HIPK3: variants seen among roughly 807,000 people sequenced by gnomAD.
The protein encoded by HIPK3 is homeodomain interacting protein kinase 3.
HIPK3 carries 47 observed loss-of-function variants against 124.2 expected under a neutral mutation model. The observed-to-expected ratio is 0.38, with a 90% CI of 0.30 to 0.48. The LOEUF is 0.48. HIPK3 is among the 20% of genes least tolerant of loss of function. The pLI, the probability that HIPK3 is intolerant of heterozygous loss-of-function variation, is 0.98. For missense variants in HIPK3, 1,286 were observed against 1,454.3 expected (o/e 0.88, Z 1.88); for synonymous variants, 482 against 515.2 (o/e 0.94, Z 0.87).
chr11:33,353,649 C>A lies in HIPK3; in HGVS notation c.*81C>A. 1.0e-6 allele frequency: 1 copy of A among 969,426 alleles called. No homozygotes were observed. The highest frequency in any genetic ancestry group is 1.6e-5 in the South Asian group (1 of 63,264). 60.1% of individuals were successfully genotyped at this position (969,426 alleles called of 1,614,324 possible). ...ATGGTATTTAATATTAGCCATGGCA[C>A]AAGAAAATTATTTTTGAATCATGTA... On this transcript the variant is annotated 3_prime_UTR_variant, in exon 17 of 17. Transcript: ENST00000303296.
At chr11:33,325,896 A>T (rs12289472) in intron 2 of HIPK3, among the ~76,000 whole-genome samples, 14,935 of 152,228 alleles carry the variant, frequency 0.098, 1,670 homozygotes, top group African/African-American at 0.28. Flanking sequence ...GTATACATCC[A>T]TACACACACT....
Position 33,286,790 on chromosome 11 carries a change from G to A in HIPK3, c.376G>A (p.Gly126Arg). ...LHFLEGPQRC[G>R]LKRKSEELDN... ...TTTCCTAGAAGGCCCCCAGCGATGT[G>A]GATTGAAGCGCAAGAGTGAGGAGTT... is the stretch of plus-strand genomic sequence containing the variant. The change falls in exon 2 of 17, where the codon GGA becomes AGA. Residue 126 changes from glycine (G) to arginine (R), a missense_variant. Physicochemically the swap from Gly to Arg is moderately radical, Grantham distance 125. This residue lies in a region of HIPK3 where 225 missense variants were observed against 240.3 expected (regional missense o/e 0.94). Coordinates refer to ENST00000303296, the MANE Select transcript of HIPK3 (RefSeq NM_005734.5). The A allele has an allele frequency of 6.2e-7, 1 of 1,614,088 alleles. No homozygotes were observed. Among genetic ancestry groups the A allele is most frequent in the South Asian group, 1.1e-5 (1 of 91,078 alleles).
At chr11:33,313,530 G>C (rs139224173) in intron 2 of HIPK3, among the ~76,000 whole-genome samples, 33 of 152,252 alleles carry the variant, frequency 2.2e-4, no homozygotes, top group Non-Finnish European at 3.8e-4. Flanking sequence ...ATAAAAGAAA[G>C]AGAGTTAAGG....
At chr11:33,343,390 A>C (rs548353955) in intron 8 of HIPK3, among the ~76,000 whole-genome samples, 7 of 151,288 alleles carry the variant, frequency 4.6e-5, no homozygotes, top group Non-Finnish European at 7.4e-5. Context: ...GGTGATTCTC[A>C]TGCCTCAGCC....
At position 33,347,699 on chromosome 11, in the gene HIPK3, C is replaced by T; in HGVS notation, c.2090C>T (p.Thr697Ile). 1 of 1,614,162 alleles carries T rather than the reference C, an allele frequency of 6.2e-7. No homozygotes were observed. Among genetic ancestry groups the T allele is most frequent in the Non-Finnish European group, 8.5e-7 (1 of 1,180,016 alleles). Residue 697 changes from threonine (T) to isoleucine (I), a missense_variant, in exon 10 of 17, where the codon ACT becomes ATT. By Grantham distance (89) the Thr-to-Ile change is moderately conservative (BLOSUM62 -1). Coordinates refer to ENST00000303296, the MANE Select transcript of HIPK3 (RefSeq NM_005734.5). Reference protein sequence around the residue: ...WQQVTPLAPATTTLTSESVAG... With the variant: ...WQQVTPLAPAITTLTSESVAG... ...CAGGTGACACCCCTGGCTCCTGCTA[C>T]TACTACACTAACTTCTGAGAGTGTG...
intron 2 of HIPK3, among the ~76,000 whole-genome samples, chr11:33,327,648 T>C (rs532440856): frequency 3.3e-5 from 5 of 152,302 alleles, no homozygotes; most frequent in South Asian, 2.1e-4. Context: ...TATACAGATA[T>C]TTGGCAAGTT....
chr11:33,258,536 G>A, intron 1 of HIPK3: 3 of 985,554 alleles, frequency 3.0e-6, no homozygotes, highest in Non-Finnish European at 3.6e-6. Context: ...GCGGCGGGAG[G>A]AAGGCGTGGC....
intron 3 of HIPK3, among the ~76,000 whole-genome samples, chr11:33,331,619 T>C (rs1411463295): frequency 6.6e-6 from 1 of 152,122 alleles, no homozygotes; most frequent in Admixed American, 6.5e-5. Flanking sequence ...GCTTAAGCCA[T>C]CCTCCCGCCT....
At chr11:33,340,678 A>G (rs1853305643) in intron 6 of HIPK3, among the ~76,000 whole-genome samples, 2 of 124,074 alleles carry the variant, frequency 1.6e-5, no homozygotes, top group Middle Eastern at 9.3e-3. Context: ...AAATTTCGGA[A>G]AAAGTTTTTC....
At chr11:33,278,560 G>GT (rs1042274821) in intron 1 of HIPK3, among the ~76,000 whole-genome samples, 5 of 152,136 alleles carry the variant, frequency 3.3e-5, no homozygotes, top group African/African-American at 7.2e-5. Flanking sequence ...TGGTTTCTTT[G>GT]TTTTTTTAGC....
In HIPK3 at chr11:33,351,665, T is replaced by C; in HGVS notation, c.2865T>C (p.Ser955=). Residue 955 remains serine (S), a synonymous_variant, in exon 15 of 17, where the codon TCT becomes TCC. Coordinates refer to ENST00000303296, the MANE Select transcript of HIPK3 (RefSeq NM_005734.5). The part of the protein sequence containing the change: ...SCDTVDGSPT[S]DSSGHDSPFA... The stretch of plus-strand genomic sequence containing the variant: ...ATACGGTGGATGGCTCTCCGACATC[T>C]GACTCTTCCGGGCATGACAGTCCAT... 1 of 1,614,240 alleles carries C rather than the reference T, an allele frequency of 6.2e-7. No homozygotes were observed. The highest frequency in any genetic ancestry group is 8.5e-7 in the Non-Finnish European group (1 of 1,180,048).
chr11:33,260,382 A>G (rs773802359), intron 1 of HIPK3, among the ~76,000 whole-genome samples: 1 of 152,244 alleles, frequency 6.6e-6, no homozygotes, highest in Non-Finnish European at 1.5e-5. Flanking sequence ...CTGAAAGCAT[A>G]TGGAAAGGAG....
At chr11:33,301,981 G>A (rs1054362331) in intron 2 of HIPK3, among the ~76,000 whole-genome samples, 3 of 152,118 alleles carry the variant, frequency 2.0e-5, no homozygotes, top group African/African-American at 7.2e-5. Context: ...TGACTCAGGA[G>A]ACCTGTACAG....
At chr11:33,272,136 G>A (rs1038215988) in intron 1 of HIPK3, among the ~76,000 whole-genome samples, 1 of 152,174 alleles carries the variant, frequency 6.6e-6, no homozygotes, top group Admixed American at 6.5e-5. Flanking sequence ...AGTGGCTCAC[G>A]CCTGTAATCC....
intron 2 of HIPK3, among the ~76,000 whole-genome samples, chr11:33,322,778 G>A (rs1347253338): frequency 6.6e-6 from 1 of 152,130 alleles, no homozygotes; most frequent in Admixed American, 6.5e-5. Flanking sequence ...GTGAGTCAAG[G>A]CTGCGCCACT....
chr11:33,300,069 C>T (rs1381922853), intron 2 of HIPK3, among the ~76,000 whole-genome samples: 1 of 150,266 alleles, frequency 6.7e-6, no homozygotes, highest in Non-Finnish European at 1.5e-5. Context: ...AGGCCAGGCA[C>T]GGCGGCTCAT....
At chr11:33,276,498 C>T (rs1044743599) in intron 1 of HIPK3, among the ~76,000 whole-genome samples, 9 of 152,024 alleles carry the variant, frequency 5.9e-5, no homozygotes, top group African/African-American at 2.2e-4. Context: ...TATACAATCA[C>T]GTTCATATCT....
chr11:33,354,675 A>C lies in HIPK3; in HGVS notation c.*1107A>C, dbSNP rs1354209861. ...AAAAGATGTGAGTTCTTTGTGTGCA[A>C]TTTTTGATTTATGCATGTGAGAGGG... On this transcript the variant is annotated 3_prime_UTR_variant, in exon 17 of 17. Coordinates refer to ENST00000303296, the MANE Select transcript of HIPK3 (RefSeq NM_005734.5). 1 of 147,938 alleles carries C rather than the reference A, an allele frequency of 6.8e-6. No individual in the cohort carries two copies. Among genetic ancestry groups the C allele is most frequent in the Non-Finnish European group, 1.5e-5 (1 of 66,914 alleles). The allele number at this position is 147,938 out of a possible 1,614,324, so 9.2% of individuals were successfully genotyped here.
chr11:33,289,563 G>C (rs1851644803), intron 2 of HIPK3, among the ~76,000 whole-genome samples: 3 of 151,890 alleles, frequency 2.0e-5, no homozygotes. Context: ...TATTTATGAG[G>C]TATTTGAGAT....
Sources: allele counts gnomAD v4.1 joint callset (sites outside exome capture counted in the v4.1 genomes callset), GRCh38; gene constraint gnomAD v4.1.1; regional missense constraint gnomAD v4.1.1; transcripts MANE v1.5; gene names NCBI Gene and HGNC (gene_info 2026-07-23, HGNC 2026-07-21).